Variants in ZNF521 observed in about 807,000 individuals in gnomAD.
ZNF521 encodes LYST-interacting protein 3.
In ZNF521, 14 loss-of-function variants were observed where a neutral mutation model predicts 105.5. The ratio of observed to expected loss-of-function variants is 0.13; its 90% CI spans 0.09 to 0.21. The LOEUF (loss-of-function observed/expected upper bound fraction) is 0.21, where lower values mean the gene tolerates loss of function less well. Ranked by LOEUF, ZNF521 falls within the 10% of genes least tolerant of loss-of-function variation. ZNF521 has a pLI of 1.00. For missense variants in ZNF521, 1,233 were observed against 1,629.7 expected (o/e 0.76, Z 4.19); for synonymous variants, 635 against 606.0 (o/e 1.05, Z -0.70).
chr18:25,226,144 G>A lies in ZNF521; in HGVS notation c.1774C>T (p.Leu592=). The part of the protein sequence containing the change: ...KENHKNIPLA[L]NYIHNGKKSR... The stretch of plus-strand genomic sequence containing the variant: ...TTCTTCCCATTGTGGATATAATTCA[G>A]GGCCAAGGGAATGTTTTTATGATTC... Residue 592 remains leucine, a synonymous_variant, in exon 4 of 8, where the codon CTG becomes TTG. Coordinates refer to ENST00000361524, the MANE Select transcript of ZNF521 (RefSeq NM_015461.3). The surrounding 1 kb of genome is among the most constrained non-coding windows in gnomAD (Gnocchi z 4.1). The A allele has an allele frequency of 6.2e-7, 1 of 1,614,182 alleles. No individual in the cohort carries two copies.
intron 5 of ZNF521, among the ~76,000 whole-genome samples, chr18:25,121,790 A>T (rs995660651): frequency 2.0e-5 from 3 of 152,114 alleles, no homozygotes; most frequent in Admixed American, 2.0e-4. Flanking sequence ...CCAAATATAA[A>T]TAAGGCCTCA....
chr18:25,165,952 C>A (rs932271863), intron 5 of ZNF521, among the ~76,000 whole-genome samples: 7 of 152,130 alleles, frequency 4.6e-5, no homozygotes. Context: ...CAAAAAGAAC[C>A]ACTCTGTGTG....
intron 3 of ZNF521, among the ~76,000 whole-genome samples, chr18:25,301,564 T>C (rs1013558934): frequency 6.6e-6 from 1 of 152,242 alleles, no homozygotes; most frequent in Non-Finnish European, 1.5e-5. Flanking sequence ...CCTGCTTTCA[T>C]GCCAAAATGG....
chr18:25,082,740 G>A, intron 7 of ZNF521: 1 of 365,154 alleles, frequency 2.7e-6, no homozygotes, highest in Non-Finnish European at 5.4e-6. Flanking sequence ...TACTTGGGAG[G>A]CTAAGGCAGG....
At chr18:25,118,003 A>C (rs1291689289) in intron 5 of ZNF521, among the ~76,000 whole-genome samples, 3 of 151,934 alleles carry the variant, frequency 2.0e-5, no homozygotes. Context: ...CAAAACAAAA[A>C]ACCTCTCCCC....
intron 2 of ZNF521, among the ~76,000 whole-genome samples, chr18:25,343,824 C>CT (rs1914339602): frequency 6.6e-6 from 1 of 151,980 alleles, no homozygotes. Flanking sequence ...TAAACTTAAT[C>CT]TTTTTTTAAA....
intron 4 of ZNF521, among the ~76,000 whole-genome samples, chr18:25,214,788 G>T (rs773597023): frequency 6.6e-6 from 1 of 152,092 alleles, no homozygotes; most frequent in African/African-American, 2.4e-5. Context: ...GCACGTGAAG[G>T]AGACCAGCTG....
At chr18:25,111,595 C>T (rs2034191138) in intron 5 of ZNF521, among the ~76,000 whole-genome samples, 1 of 152,190 alleles carries the variant, frequency 6.6e-6, no homozygotes, top group African/African-American at 2.4e-5. Context: ...AAGCTGACAC[C>T]CCTGGTCAGT....
rs1174536966 is a variant in ZNF521, at chr18:25,209,891, C to A, written c.3573+14454G>T. The stretch of plus-strand genomic sequence containing the variant: ...CTGTGGTCTTTACATTCTTTTTGCT[C>A]CCTGATTTTCATTGCCTTTAAGTTT... On this transcript the variant is annotated intron_variant, in intron 4 of 7. Transcript: ENST00000361524. Among the ~76,000 whole-genome samples the A allele has an allele frequency of 2.0e-5, 3 of 152,038 alleles. No individual in the cohort carries two copies. In the East Asian group the frequency reaches 5.8e-4, roughly 29 times the overall value.
intron 5 of ZNF521, among the ~76,000 whole-genome samples, chr18:25,155,973 T>C (rs1303426840): frequency 6.6e-6 from 1 of 152,136 alleles, no homozygotes; most frequent in Non-Finnish European, 1.5e-5. Context: ...GGAAAGATAT[T>C]AAGTTTAAAG....
chr18:25,128,530 C>T (rs112613248), intron 5 of ZNF521, among the ~76,000 whole-genome samples: 19,641 of 151,940 alleles, frequency 0.13, 1,410 homozygotes, highest in Middle Eastern at 0.18. Context: ...TTACAGAATA[C>T]GTGATTGCCT....
chr18:25,114,693 T>A (rs2034269183), intron 5 of ZNF521, among the ~76,000 whole-genome samples: 1 of 152,188 alleles, frequency 6.6e-6, no homozygotes, highest in Non-Finnish European at 1.5e-5. Flanking sequence ...ACACAAATAC[T>A]CACTCTGTCA....
At chr18:25,202,569 G>T (rs1380189269) in intron 4 of ZNF521, 1 of 152,118 alleles carries the variant, frequency 6.6e-6, no homozygotes, top group African/African-American at 2.4e-5. Context: ...TGTGTAAAAA[G>T]GTTTAAGTTA....
chr18:25,225,259 C>T lies in ZNF521; in HGVS notation c.2659G>A (p.Gly887Ser), dbSNP rs779117190. The T allele has an allele frequency of 1.4e-5, 22 of 1,613,952 alleles. No homozygotes were observed. Among genetic ancestry groups the T allele is most frequent in the Middle Eastern group, 1.6e-4 (1 of 6,084 alleles). ...EDVDTSEPMY[G>S]CDICGAAYTM... Reference sequence around the variant, plus strand: ...TAGGCTGCCCCACAAATGTCGCAGCCGTACATAGGCTCAGAGGTGTCAACG... The same window carrying T: ...TAGGCTGCCCCACAAATGTCGCAGCTGTACATAGGCTCAGAGGTGTCAACG... Residue 887 changes from glycine (G) to serine (S), a missense_variant, in exon 4 of 8, where the codon GGC (glycine) becomes AGC (serine). By Grantham distance (56) the Gly-to-Ser change is moderately conservative. Transcript: ENST00000361524. This position sits in a 1 kb window ranked among gnomAD's most constrained non-coding sequence, Gnocchi z 5.6.
At chr18:25,092,153 T>A in intron 5 of ZNF521, 72 bp from the exon 6 acceptor site, 1 of 1,555,066 alleles carries the variant, frequency 6.4e-7, no homozygotes, top group Non-Finnish European at 8.8e-7. Context: ...GAGTTATCTT[T>A]AATTGCATAT....
At chr18:25,247,321 C>G (rs1429566492) in intron 3 of ZNF521, among the ~76,000 whole-genome samples, 3 of 152,052 alleles carry the variant, frequency 2.0e-5, no homozygotes, top group Non-Finnish European at 4.4e-5. Flanking sequence ...TAATAGCCAC[C>G]AAGGATGTGT....
At chr18:25,249,515 G>T (rs1289375728) in intron 3 of ZNF521, among the ~76,000 whole-genome samples, 1 of 151,062 alleles carries the variant, frequency 6.6e-6, no homozygotes, top group Admixed American at 6.6e-5. Context: ...AGGTTGGAGG[G>T]CAGTGGCACG....
intron 4 of ZNF521, chr18:25,201,354 G>A (rs1291168987): frequency 6.6e-6 from 1 of 152,036 alleles, no homozygotes; most frequent in Non-Finnish European, 1.5e-5. Flanking sequence ...TTCCTCCCAG[G>A]CCCTGCTTCA....
intron 5 of ZNF521, among the ~76,000 whole-genome samples, chr18:25,140,627 T>C (rs2034828716): frequency 1.3e-5 from 2 of 152,168 alleles, no homozygotes; most frequent in South Asian, 4.1e-4. Flanking sequence ...GGGATAATAA[T>C]GGCTACATTT....
Sources: allele counts gnomAD v4.1 joint callset (sites outside exome capture counted in the v4.1 genomes callset), GRCh38; gene constraint gnomAD v4.1.1; non-coding constraint Gnocchi (gnomAD v3.1); transcripts MANE v1.5; gene names NCBI Gene and HGNC (gene_info 2026-07-23, HGNC 2026-07-21).